The following ACTR3C variants were observed in gnomAD, a reference collection of about 807,000 sequenced individuals.
ACTR3C encodes the protein actin related protein 3C.
ACTR3C carries 18 observed loss-of-function variants against 26.3 expected under a neutral mutation model. The observed-to-expected ratio is 0.68, with a 90% confidence interval of 0.47 to 1.01. ACTR3C has a LOEUF of 1.01. ACTR3C is among the 50% of genes least tolerant of loss of function. The pLI is 0.00. For missense variants in ACTR3C, 184 were observed against 250.7 expected (o/e 0.73, Z 1.80); for synonymous variants, 55 against 94.5 (o/e 0.58, Z 2.42).
chr7:150,019,365 G>C, the ACTR3C span, among the ~76,000 whole-genome samples: 2 of 149,838 alleles, frequency 1.3e-5, no homozygotes, highest in Non-Finnish European at 2.9e-5. Flanking sequence ...AGGCCAAGGA[G>C]GGCAGATCAT....
At chr7:149,941,813 G>C in the ACTR3C span, among the ~76,000 whole-genome samples, 7 of 152,162 alleles carry the variant, frequency 4.6e-5, no homozygotes, top group Non-Finnish European at 1.5e-5. Context: ...CTTCTAATGA[G>C]AATGGTATTG....
At chr7:150,224,101 TG>T in the ACTR3C span, among the ~76,000 whole-genome samples, 1 of 152,196 alleles carries the variant, frequency 6.6e-6, no homozygotes, top group African/African-American at 2.4e-5. Context: ...ATCACAATCA[TG>T]TATAACCTGA....
the ACTR3C span, among the ~76,000 whole-genome samples, chr7:150,131,973 G>A: frequency 1.3e-5 from 2 of 152,198 alleles, no homozygotes; most frequent in African/African-American, 2.4e-5. Context: ...CACCATGTAC[G>A]ATTCCACTTA....
the ACTR3C span, among the ~76,000 whole-genome samples, chr7:149,969,385 A>G: frequency 6.6e-6 from 1 of 151,548 alleles, no homozygotes; most frequent in African/African-American, 2.4e-5. Flanking sequence ...GCTGGAGGCA[A>G]CAGCAGATAG....
At chr7:149,920,752 T>C in the ACTR3C span, among the ~76,000 whole-genome samples, 10 of 148,674 alleles carry the variant, frequency 6.7e-5, no homozygotes, top group African/African-American at 2.5e-4. Context: ...AGTATTCTTT[T>C]ATCTTTTAGG....
the ACTR3C span, among the ~76,000 whole-genome samples, chr7:150,133,175 CAG>C: frequency 6.6e-6 from 1 of 152,086 alleles, no homozygotes. Context: ...AACAGGAAAT[CAG>C]AGAGAGACAC....
At chr7:150,203,372 G>A in the ACTR3C span, among the ~76,000 whole-genome samples, 1 of 152,184 alleles carries the variant, frequency 6.6e-6, no homozygotes, top group African/African-American at 2.4e-5. Context: ...ACTTTGGTGA[G>A]GCGACTTGTG....
At chr7:150,014,951 C>G in the ACTR3C span, among the ~76,000 whole-genome samples, 4 of 152,216 alleles carry the variant, frequency 2.6e-5, no homozygotes, top group South Asian at 4.2e-4. Context: ...CAATTTTCCA[C>G]CTTTCCCTGG....
At chr7:150,128,992 G>A in the ACTR3C span, among the ~76,000 whole-genome samples, 14 of 150,658 alleles carry the variant, frequency 9.3e-5, no homozygotes, top group East Asian at 3.9e-4. Context: ...CCAGGAGTTC[G>A]GTAAAGCTAG....
the ACTR3C span, among the ~76,000 whole-genome samples, chr7:150,135,133 G>A: frequency 4.6e-5 from 7 of 152,200 alleles, no homozygotes; most frequent in African/African-American, 1.4e-4. Context: ...TTAGCCAGGC[G>A]TGGTGGTGGG....
At chr7:150,187,410 C>T in the ACTR3C span, among the ~76,000 whole-genome samples, 1 of 151,764 alleles carries the variant, frequency 6.6e-6, no homozygotes, top group Non-Finnish European at 1.5e-5. Flanking sequence ...CCATTGACAT[C>T]TTGTACAATC....
the ACTR3C span, among the ~76,000 whole-genome samples, chr7:149,919,058 CA>C: frequency 6.6e-6 from 1 of 152,148 alleles, no homozygotes; most frequent in African/African-American, 2.4e-5. Flanking sequence ...ATGTGTAAAG[CA>C]AAGGTTCTCT....
At chr7:150,184,352 G>A in the ACTR3C span, among the ~76,000 whole-genome samples, 1 of 150,840 alleles carries the variant, frequency 6.6e-6, no homozygotes, top group East Asian at 1.9e-4. Context: ...TACAAGTATC[G>A]CACATGGCGT....
At chr7:149,989,083 C>T in the ACTR3C span, among the ~76,000 whole-genome samples, 1 of 152,184 alleles carries the variant, frequency 6.6e-6, no homozygotes, top group Non-Finnish European at 1.5e-5. Context: ...CTCACCACCA[C>T]TTCTGGGCCC....
intron 4 of ACTR3C, among the ~76,000 whole-genome samples, chr7:150,287,890 A>G (rs1835910587): frequency 7.0e-6 from 1 of 143,336 alleles, no homozygotes; most frequent in South Asian, 2.4e-4. Context: ...AGCTTACTTA[A>G]CTCAAATGCT....
At chr7:149,982,805 C>G in the ACTR3C span, among the ~76,000 whole-genome samples, 1 of 152,140 alleles carries the variant, frequency 6.6e-6, no homozygotes, top group African/African-American at 2.4e-5. Context: ...TTTGGGTTGT[C>G]TACACATAAG....
At chr7:150,041,473 G>A in the ACTR3C span, 1 of 172,354 alleles carries the variant, frequency 5.8e-6, no homozygotes, top group Non-Finnish European at 1.1e-5. Flanking sequence ...TGGGTCCTAA[G>A]GATCTTAGGA....
At chr7:150,156,725 C>T in the ACTR3C span, among the ~76,000 whole-genome samples, 1,063 of 152,282 alleles carry the variant, frequency 7.0e-3, 15 homozygotes, top group African/African-American at 0.025. Context: ...CTCTTCCCTC[C>T]TCTAATTCCT....
the ACTR3C span, among the ~76,000 whole-genome samples, chr7:150,222,904 A>G: frequency 6.6e-6 from 1 of 152,212 alleles, no homozygotes; most frequent in African/African-American, 2.4e-5. Flanking sequence ...AATTTCCTGC[A>G]TTGTGAATTT....
Sources: allele counts gnomAD v4.1 joint callset (sites outside exome capture counted in the v4.1 genomes callset), GRCh38; gene constraint gnomAD v4.1.1; transcripts MANE v1.5; gene names NCBI Gene and HGNC (gene_info 2026-07-23, HGNC 2026-07-21).